Variants in SEPTIN11 observed in about 807,000 individuals in gnomAD.
SEPTIN11 encodes the protein septin 11.
Under a neutral mutation model 51.4 loss-of-function variants are expected in SEPTIN11, and 25 were observed. The observed-to-expected ratio is 0.49, with a 90% CI of 0.35 to 0.68. The LOEUF (loss-of-function observed/expected upper bound fraction) is 0.68. SEPTIN11 is among the 30% of genes least tolerant of loss of function. The pLI, the probability that SEPTIN11 is intolerant of heterozygous loss-of-function variation, is 0.00. For missense variants in SEPTIN11, 381 were observed against 520.8 expected, an observed-to-expected ratio of 0.73 and a Z score of 2.61; for synonymous variants, 174 against 184.1, an observed-to-expected ratio of 0.95 and a Z score of 0.44.
intron 1 of SEPTIN11, among the ~76,000 whole-genome samples, chr4:76,976,693 CA>C (rs1324323031): frequency 1.3e-5 from 2 of 152,206 alleles, no homozygotes; most frequent in African/African-American, 4.8e-5. Context: ...TTTGATGACC[CA>C]ATACCTCTAG....
At chr4:76,974,994 G>A (rs1302640455) in intron 1 of SEPTIN11, among the ~76,000 whole-genome samples, 2 of 151,764 alleles carry the variant, frequency 1.3e-5, no homozygotes, top group African/African-American at 2.4e-5. Flanking sequence ...GCGGTGACAC[G>A]TGCCTGTAAT....
intron 2 of SEPTIN11, among the ~76,000 whole-genome samples, chr4:77,000,049 C>T (rs183046271): frequency 9.9e-5 from 15 of 152,222 alleles, no homozygotes; most frequent in African/African-American, 3.4e-4. Context: ...ACTAACTCTA[C>T]GAAAAAACCT....
intron 3 of SEPTIN11, 45 bp from the exon 4 acceptor site, chr4:77,011,690 G>A (rs902526687): frequency 6.4e-7 from 1 of 1,566,350 alleles, no homozygotes; most frequent in African/African-American, 1.4e-5. Context: ...GGATTGTCCT[G>A]TGAAAGAGGT....
At chr4:76,954,234 C>T (rs567441919) in intron 1 of SEPTIN11, among the ~76,000 whole-genome samples, 56 of 152,340 alleles carry the variant, frequency 3.7e-4, no homozygotes, top group Admixed American at 1.0e-3. Flanking sequence ...GCGCAGCCCA[C>T]AGAGTTTTCT....
chr4:77,013,706 A>T (rs997644195), intron 4 of SEPTIN11, among the ~76,000 whole-genome samples: 2 of 152,216 alleles, frequency 1.3e-5, no homozygotes, highest in Admixed American at 1.3e-4. Context: ...TTCTCTCAGC[A>T]TGTCATCTCA....
At chr4:77,020,751 G>A in intron 7 of SEPTIN11, 81 bp downstream of exon 7, 1 of 1,320,946 alleles carries the variant, frequency 7.6e-7, no homozygotes. Context: ...ATGCTTGCTG[G>A]ATTGAGATGG....
chr4:77,025,348 G>A (rs1420772767), intron 7 of SEPTIN11, among the ~76,000 whole-genome samples: 2 of 151,964 alleles, frequency 1.3e-5, no homozygotes, highest in African/African-American at 4.8e-5. Context: ...ACCAGCCTGG[G>A]CAACATAGGG....
Position 77,019,268 on chromosome 4 carries a change from G to A in SEPTIN11, c.784+7G>A, listed in dbSNP as rs1240501077. 5 of 1,603,284 alleles carry A rather than the reference G, an allele frequency of 3.1e-6. No individual in the cohort carries two copies. In the Admixed American group the frequency reaches 8.5e-5, roughly 27 times the overall value. On this transcript the variant is annotated splice_region_variant and intron_variant, in intron 6 of 9. Coordinates refer to ENST00000264893, the MANE Select transcript of SEPTIN11 (RefSeq NM_018243.4). ...CCCTGGGGTGTGGTGCAGGGTATGT[G>A]CACAGCATGGGAGATGGAGTCTTCA...
chr4:77,012,561 C>T (rs889509695), intron 4 of SEPTIN11, among the ~76,000 whole-genome samples: 10 of 152,184 alleles, frequency 6.6e-5, no homozygotes, highest in Non-Finnish European at 1.2e-4. Context: ...AGAACAACCA[C>T]AAAACTAAGC....
At chr4:76,983,274 G>T (rs1255111051) in intron 1 of SEPTIN11, among the ~76,000 whole-genome samples, 1 of 152,212 alleles carries the variant, frequency 6.6e-6, no homozygotes, top group Admixed American at 6.5e-5. Flanking sequence ...GACACAGGGA[G>T]ATTTTTCATT....
intron 5 of SEPTIN11, among the ~76,000 whole-genome samples, chr4:77,015,813 T>C (rs1247637933): frequency 6.6e-6 from 1 of 152,088 alleles, no homozygotes; most frequent in Non-Finnish European, 1.5e-5. Flanking sequence ...ATAGGCATGA[T>C]GGGGTGTGAA....
intron 2 of SEPTIN11, among the ~76,000 whole-genome samples, chr4:77,000,898 G>A (rs961458831): frequency 6.6e-6 from 1 of 152,190 alleles, no homozygotes; most frequent in Non-Finnish European, 1.5e-5. Flanking sequence ...CCATCCAAGA[G>A]TAAAATCTAG....
At chr4:76,978,707 G>T (rs1454976765) in intron 1 of SEPTIN11, among the ~76,000 whole-genome samples, 1 of 152,162 alleles carries the variant, frequency 6.6e-6, no homozygotes, top group African/African-American at 2.4e-5. Context: ...CATAATGCCT[G>T]CCATATATGT....
chr4:77,020,255 C>T (rs1380732687), intron 6 of SEPTIN11, among the ~76,000 whole-genome samples: 1 of 152,144 alleles, frequency 6.6e-6, no homozygotes, highest in Non-Finnish European at 1.5e-5. Flanking sequence ...TTTTCAAGCT[C>T]CTCCCTCTGT....
Position 77,037,348 on chromosome 4 carries a change from T to G in SEPTIN11, c.*2836T>G. 1.0e-6 allele frequency: 1 copy of G among 978,008 alleles called. No individual in the cohort carries two copies. The highest frequency in any genetic ancestry group is 1.2e-6 in the Non-Finnish European group (1 of 824,318). 60.6% of individuals were successfully genotyped at this position (978,008 alleles called of 1,614,324 possible). On this transcript the variant is annotated 3_prime_UTR_variant, in exon 10 of 10. Transcript: ENST00000264893. ...CTGCATTCCAACCTGGGTGATGAAG[T>G]GAGACTCTCCAAAAAAAAAAAAGAA...
At position 77,037,856 on chromosome 4, in the gene SEPTIN11, T is replaced by C. The variant is rs1222612083; in HGVS notation, c.*3344T>C. On this transcript the variant is annotated 3_prime_UTR_variant, in exon 10 of 10. Coordinates refer to ENST00000264893, the MANE Select transcript of SEPTIN11 (RefSeq NM_018243.4). ...CAATGGGAATTATTTAATGTAACAG[T>C]GGGCACAGATTACTTATCTTCCTTC... is the stretch of plus-strand genomic sequence containing the variant. 1 of 985,790 alleles carries C rather than the reference T, an allele frequency of 1.0e-6. No homozygotes were observed. Among genetic ancestry groups the C allele is most frequent in the African/African-American group, 1.7e-5 (1 of 57,254 alleles). The allele number at this position is 985,790 out of a possible 1,614,324, so 61.1% of individuals were successfully genotyped here.
At chr4:76,957,766 C>G (rs1578115410) in intron 1 of SEPTIN11, among the ~76,000 whole-genome samples, 1 of 152,206 alleles carries the variant, frequency 6.6e-6, no homozygotes, top group South Asian at 2.1e-4. Flanking sequence ...ACGGATCAAG[C>G]ATACCCTCCA....
intron 9 of SEPTIN11, among the ~76,000 whole-genome samples, chr4:77,033,434 T>A (rs955614731): frequency 2.6e-5 from 4 of 152,236 alleles, no homozygotes; most frequent in Non-Finnish European, 1.5e-5. Context: ...TTCTCTTTTT[T>A]CTGTTCTAAT....
chr4:76,962,895 C>T (rs756470330), intron 1 of SEPTIN11, among the ~76,000 whole-genome samples: 12 of 152,094 alleles, frequency 7.9e-5, no homozygotes, highest in East Asian at 1.9e-4. Flanking sequence ...TCAATCTGTC[C>T]GGGAAGGAGA....
Sources: gnomAD v4.1 joint callset for allele counts (sites outside exome capture counted in the v4.1 genomes callset) on GRCh38, gnomAD v4.1.1 for gene constraint, MANE v1.5 for transcripts, NCBI Gene and HGNC (gene_info 2026-07-23, HGNC 2026-07-21) for gene names.